The following ANK2 variants were observed in gnomAD, a reference collection of about 807,000 sequenced individuals.
The protein encoded by ANK2 is ankyrin-2.
A neutral mutation model predicts 360.5 loss-of-function variants in ANK2; 83 were observed. That is an observed-to-expected ratio of 0.23 (90% CI 0.19 to 0.28). The LOEUF (loss-of-function observed/expected upper bound fraction) is 0.28, where lower values mean the gene tolerates loss of function less well. ANK2 is among the 10% of genes least tolerant of loss of function. The pLI is 1.00. For synonymous variants in ANK2, 1,740 were observed against 1,759.5 expected, an observed-to-expected ratio of 0.99 and a Z score of 0.28; for missense variants, 4,201 against 4,795.7, an observed-to-expected ratio of 0.88 and a Z score of 3.66.
At chr4:112,908,820 C>T (rs1361006868) in intron 2 of ANK2, among the ~76,000 whole-genome samples, 2 of 152,200 alleles carry the variant, frequency 1.3e-5, no homozygotes, top group East Asian at 3.8e-4. Flanking sequence ...GGTGAATCAG[C>T]TCAGTCTGGC....
At chr4:112,819,120 A>C (rs1173444753) in intron 1 of ANK2, among the ~76,000 whole-genome samples, 1 of 152,200 alleles carries the variant, frequency 6.6e-6, no homozygotes, top group African/African-American at 2.4e-5. Flanking sequence ...CAAAGGAATA[A>C]ATTCAATAAC....
At position 113,027,726 on chromosome 4, in the gene ANK2, G is replaced by A. The variant is rs545033782; in HGVS notation, c.21+123212G>A. On this transcript the variant is annotated intron_variant, in intron 2 of 30. Coordinates refer to the ANK2 transcript ENST00000503271. The stretch of plus-strand genomic sequence containing the variant: ...GCCTATTATTTGCAGAAAATTAAAC[G>A]TAACTGCTGATTGGGAAGTATATAA... Among the ~76,000 whole-genome samples, 7 of 152,030 alleles carry A rather than the reference G, an allele frequency of 4.6e-5. 1 individual carries two copies. Among genetic ancestry groups the A allele is most frequent in the East Asian group, 1.9e-4 (1 of 5,148 alleles).
chr4:112,958,678 G>T (rs991735638), intron 2 of ANK2, among the ~76,000 whole-genome samples: 2 of 151,994 alleles, frequency 1.3e-5, no homozygotes, highest in Non-Finnish European at 2.9e-5. Flanking sequence ...ATTTAATACT[G>T]CATGTTAATC....
chr4:113,106,924 G>T (rs377052561), intron 1 of ANK2: 54 of 533,004 alleles, frequency 1.0e-4, no homozygotes, highest in African/African-American at 9.1e-4. Flanking sequence ...TTATTACTTT[G>T]CTTTGGTAAT....
chr4:112,930,422 C>T (rs2093070741), intron 2 of ANK2, among the ~76,000 whole-genome samples: 1 of 150,548 alleles, frequency 6.6e-6, no homozygotes, highest in African/African-American at 2.5e-5. Flanking sequence ...GCACTCCAGC[C>T]TGGGCGACAG....
At chr4:113,085,776 C>T (rs922539062) in intron 1 of ANK2, among the ~76,000 whole-genome samples, 22 of 152,066 alleles carry the variant, frequency 1.4e-4, no homozygotes, top group Admixed American at 2.6e-4. Context: ...GACCTAAGGA[C>T]GGCCTGAGAA....
intron 1 of ANK2, among the ~76,000 whole-genome samples, chr4:112,852,909 T>A (rs956025937): frequency 6.6e-6 from 1 of 152,176 alleles, no homozygotes; most frequent in African/African-American, 2.4e-5. Context: ...AACATTTGGG[T>A]GCATGTAATA....
chr4:113,225,085 G>T (rs1226953933), intron 4 of ANK2, among the ~76,000 whole-genome samples: 1 of 152,072 alleles, frequency 6.6e-6, no homozygotes, highest in Non-Finnish European at 1.5e-5. Flanking sequence ...CATCTTTTGA[G>T]AGACAATGGA....
chr4:112,752,594 G>C, the ANK2 span, among the ~76,000 whole-genome samples: 1 of 151,598 alleles, frequency 6.6e-6, no homozygotes, highest in Non-Finnish European at 1.5e-5. Flanking sequence ...ATGTTGCCCA[G>C]GCTGGGCTCA....
At chr4:113,369,854 A>G (rs750870135) in intron 43 of ANK2, 49 bp downstream of exon 43, 2 of 1,611,576 alleles carry the variant, frequency 1.2e-6, no homozygotes, top group Non-Finnish European at 1.7e-6. Flanking sequence ...AAAGCTACAA[A>G]TCTTCCAGTT....
chr4:112,882,845 A>C (rs1335640657), intron 1 of ANK2, among the ~76,000 whole-genome samples: 1 of 151,942 alleles, frequency 6.6e-6, no homozygotes, highest in Non-Finnish European at 1.5e-5. Context: ...GAAACACACC[A>C]GTGTCTTGTA....
At chr4:113,380,078 G>A (rs192672893) in intron 45 of ANK2, among the ~76,000 whole-genome samples, 79 of 152,086 alleles carry the variant, frequency 5.2e-4, no homozygotes, top group African/African-American at 1.8e-3. Context: ...TTAAATTCTC[G>A]GAGATTCAAT....
chr4:113,294,404 C>T (rs75459660), intron 22 of ANK2, among the ~76,000 whole-genome samples: 1,975 of 152,202 alleles, frequency 0.013, 39 homozygotes, highest in African/African-American at 0.044. Flanking sequence ...TAGAACAGTA[C>T]GACATGAGAA....
intron 7 of ANK2, among the ~76,000 whole-genome samples, chr4:113,238,226 A>G (rs1354551882): frequency 6.6e-6 from 1 of 152,192 alleles, no homozygotes; most frequent in Non-Finnish European, 1.5e-5. Flanking sequence ...GCCTCTCAGT[A>G]TGGTGTGTTT....
At chr4:113,155,167 A>T (rs2154398548) in intron 1 of ANK2, among the ~76,000 whole-genome samples, 1 of 152,328 alleles carries the variant, frequency 6.6e-6, no homozygotes, top group African/African-American at 2.4e-5. Context: ...CATTTCATTT[A>T]CTACTGACAT....
intron 2 of ANK2, among the ~76,000 whole-genome samples, chr4:113,035,694 G>A (rs2061440551): frequency 6.6e-6 from 1 of 151,840 alleles, no homozygotes; most frequent in Non-Finnish European, 1.5e-5. Flanking sequence ...CTGGAAATAA[G>A]ATTGGAGGAG....
chr4:113,307,295 C>T (rs894148652), intron 23 of ANK2, among the ~76,000 whole-genome samples: 1 of 152,052 alleles, frequency 6.6e-6, no homozygotes, highest in Non-Finnish European at 1.5e-5. Context: ...GGTTTTAGCC[C>T]TTTTTCCATG....
At chr4:113,350,481 C>T in intron 37 of ANK2, 1 of 436,440 alleles carries the variant, frequency 2.3e-6, no homozygotes, top group Non-Finnish European at 4.1e-6. Flanking sequence ...TCTAAGCATT[C>T]ACTTTCTTTT....
the ANK2 span, among the ~76,000 whole-genome samples, chr4:112,767,505 G>A: frequency 6.6e-6 from 1 of 152,038 alleles, no homozygotes; most frequent in African/African-American, 2.4e-5. Context: ...AGGTTGCAGT[G>A]AGCTGAGATT....
Sources: allele counts gnomAD v4.1 joint callset (sites outside exome capture counted in the v4.1 genomes callset), GRCh38; gene constraint gnomAD v4.1.1; transcripts MANE v1.5; gene names NCBI Gene and HGNC (gene_info 2026-07-23, HGNC 2026-07-21).